Variants in PHACTR2 observed in about 807,000 individuals in gnomAD.
PHACTR2 encodes the protein chromosome 6 open reading frame 56.
In PHACTR2, 30 loss-of-function variants were observed where a neutral mutation model predicts 76.0. That is an observed-to-expected ratio of 0.39 (90% CI 0.30 to 0.54). The LOEUF is 0.54. Ranked by LOEUF, PHACTR2 falls within the 20% of genes least tolerant of loss-of-function variation. The pLI is 0.61. For missense variants in PHACTR2, 696 were observed against 781.1 expected (o/e 0.89, Z 1.30); for synonymous variants, 292 against 292.5 (o/e 1.00, Z 0.02).
chr6:143,790,092 G>A (rs909937125), intron 11 of PHACTR2, among the ~76,000 whole-genome samples: 9 of 152,142 alleles, frequency 5.9e-5, no homozygotes, highest in Admixed American at 3.9e-4. Context: ...GCATTTTGGT[G>A]GCCTGATGGG....
intron 1 of PHACTR2, among the ~76,000 whole-genome samples, chr6:143,545,142 A>G (rs1470892108): frequency 1.3e-5 from 2 of 152,094 alleles, no homozygotes; most frequent in Admixed American, 6.5e-5. Context: ...ATGGGGTTTC[A>G]CTATGTTGGC....
rs371543778 is a variant in PHACTR2, at chr6:143,801,430, A to G, written c.1846-5627A>G. On this transcript the variant is annotated intron_variant, in intron 11 of 12. Coordinates refer to ENST00000440869, the MANE Select transcript of PHACTR2 (RefSeq NM_001100164.2). The surrounding 1 kb of genome is among the most constrained non-coding windows in gnomAD (Gnocchi z 4.6). ...CCTTATTCTCTAATCTTGTCTTCTCACTTTATTTCATTAATTTGATCTTCA... is the reference window on the plus strand; with the variant it reads ...CCTTATTCTCTAATCTTGTCTTCTCGCTTTATTTCATTAATTTGATCTTCA... Among the ~76,000 whole-genome samples the G allele has an allele frequency of 9.2e-5, 14 of 152,144 alleles. No individual in the cohort carries two copies. The South Asian group carries it at 2.9e-3, about 32-fold the overall frequency.
rs1207721094 is a variant in PHACTR2, at chr6:143,819,087, G to A, written c.1923-4587G>A. 6.6e-6 allele frequency among the ~76,000 whole-genome samples: 1 copy of A among 152,092 alleles called. No homozygotes were observed. The highest frequency in any genetic ancestry group is 1.5e-5 in the Non-Finnish European group (1 of 68,014). ...TCTGATTGGACTCCTCAGTCATATA[G>A]AATTATTTATAGAGCTAACAAATAA... On this transcript the variant is annotated intron_variant, in intron 12 of 12. Transcript: ENST00000440869. The surrounding 1 kb of genome is among the most constrained non-coding windows in gnomAD (Gnocchi z 5.0).
intron 4 of PHACTR2, among the ~76,000 whole-genome samples, chr6:143,756,486 G>A (rs1336592715): frequency 1.3e-5 from 2 of 151,352 alleles, no homozygotes; most frequent in Non-Finnish European, 2.9e-5. Flanking sequence ...ACGAGGTCAG[G>A]AGATCGAGAC....
intron 1 of PHACTR2, among the ~76,000 whole-genome samples, chr6:143,560,140 AT>A (rs1343200154): frequency 6.6e-6 from 1 of 152,192 alleles, no homozygotes. Context: ...TTTTTAAAAC[AT>A]TTTTAGTAAT....
chr6:143,759,404 G>A (rs953035470), intron 4 of PHACTR2, among the ~76,000 whole-genome samples: 1 of 151,996 alleles, frequency 6.6e-6, no homozygotes, highest in Non-Finnish European at 1.5e-5. Flanking sequence ...CTGTAATCCC[G>A]GCACTTTGGG....
In PHACTR2 at chr6:143,830,514, C is replaced by T. The variant is rs980144402; in HGVS notation, c.*6825C>T. ...TACACTGATTAACATGACAGTTTCT[C>T]TTTTGTTGTTCTTATCTGTACTGTA... is the stretch of plus-strand genomic sequence containing the variant. On this transcript the variant is annotated 3_prime_UTR_variant, in exon 13 of 13. Coordinates refer to ENST00000440869, the MANE Select transcript of PHACTR2 (RefSeq NM_001100164.2). 1 of 151,930 alleles carries T rather than the reference C, an allele frequency of 6.6e-6. No individual in the cohort carries two copies. Among genetic ancestry groups the T allele is most frequent in the Non-Finnish European group, 1.5e-5 (1 of 67,966 alleles). The allele number at this position is 151,930 out of a possible 1,614,324, so 9.4% of individuals were successfully genotyped here. A position where few individuals can be genotyped will look rare whatever the true frequency, so the allele number is the denominator to read the frequency against.
In PHACTR2 at chr6:143,823,979, G is replaced by A; in HGVS notation, c.*290G>A. 1 of 294,170 alleles carries A rather than the reference G, an allele frequency of 3.4e-6. No individual in the cohort carries two copies. The highest frequency in any genetic ancestry group is 6.3e-6 in the Non-Finnish European group (1 of 159,732). 18.2% of individuals were successfully genotyped at this position (294,170 alleles called of 1,614,324 possible). A position where few individuals can be genotyped will look rare whatever the true frequency, so the allele number is the denominator to read the frequency against. ...AAGCTTTAATCAAAGAAGATGAGCA[G>A]AAGACAATCACTGGCTCCCTGTTAC... On this transcript the variant is annotated 3_prime_UTR_variant, in exon 13 of 13. Transcript: ENST00000440869. The surrounding 1 kb of genome is among the most constrained non-coding windows in gnomAD (Gnocchi z 5.7).
rs2128426578 is a variant in PHACTR2, at chr6:143,543,834, A to G, written c.217+6627A>G. Reference sequence around the variant, plus strand: ...TTAGGCATTTGCAAGTTTGATATGGATATATTCTGAGTATATTCTGACATG... The same window carrying G: ...TTAGGCATTTGCAAGTTTGATATGGGTATATTCTGAGTATATTCTGACATG... On this transcript the variant is annotated intron_variant, in intron 1 of 11. Coordinates refer to the PHACTR2 transcript ENST00000367584. The surrounding 1 kb of genome is among the most constrained non-coding windows in gnomAD (Gnocchi z 4.7). 6.6e-6 allele frequency among the ~76,000 whole-genome samples: 1 copy of G among 152,270 alleles called. No homozygotes were observed. The highest frequency in any genetic ancestry group is 2.1e-4 in the South Asian group (1 of 4,826).
chr6:143,667,502 C>G (rs546219780), intron 1 of PHACTR2, among the ~76,000 whole-genome samples: 1 of 151,684 alleles, frequency 6.6e-6, no homozygotes, highest in Admixed American at 6.6e-5. Context: ...TCTTCCTATC[C>G]GTGAGCATGG....
rs919910543 is a variant in PHACTR2 at position 143,753,059 on chromosome 6, G to GT, written c.296-685dup. On this transcript the variant is annotated intron_variant, in intron 3 of 12. Coordinates refer to ENST00000440869, the MANE Select transcript of PHACTR2 (RefSeq NM_001100164.2). The surrounding 1 kb of genome is among the most constrained non-coding windows in gnomAD (Gnocchi z 4.6). The stretch of plus-strand genomic sequence containing the variant: ...CCTTTGTGATTACTTTTTTATGTGT[G>GT]TTTTTTTTTTCTCGAATGTTTTCAA... Among the ~76,000 whole-genome samples, 22 of 146,760 alleles carry GT rather than the reference G, an allele frequency of 1.5e-4. No individual in the cohort carries two copies. The highest frequency in any genetic ancestry group is 2.2e-4 in the South Asian group (1 of 4,624).
rs923756857 is a variant in PHACTR2, at chr6:143,700,088, G to A, written c.47-11928G>A. 6.6e-6 allele frequency among the ~76,000 whole-genome samples: 1 copy of A among 152,130 alleles called. No individual in the cohort carries two copies. The highest frequency in any genetic ancestry group is 2.4e-5 in the African/African-American group (1 of 41,420). ...GGAGGCTCTTGGACATAGAGAGAAC[G>A]TTAGTCACATTATATATATTCTCTG... On this transcript the variant is annotated intron_variant, in intron 1 of 12. Coordinates refer to ENST00000440869, the MANE Select transcript of PHACTR2 (RefSeq NM_001100164.2). This position sits in a 1 kb window ranked among gnomAD's most constrained non-coding sequence, Gnocchi z 4.1.
At chr6:143,551,476 A>G (rs1389113267) in intron 1 of PHACTR2, among the ~76,000 whole-genome samples, 1 of 152,188 alleles carries the variant, frequency 6.6e-6, no homozygotes, top group Non-Finnish European at 1.5e-5. Context: ...AGCATTTTTA[A>G]TTCTTCATTT....
At chr6:143,732,836 G>T (rs576070978) in intron 2 of PHACTR2, among the ~76,000 whole-genome samples, 2 of 152,102 alleles carry the variant, frequency 1.3e-5, no homozygotes, top group East Asian at 3.9e-4. Context: ...CTATCCTGGT[G>T]GGTATAAAGT....
intron 1 of PHACTR2, among the ~76,000 whole-genome samples, chr6:143,552,685 C>A (rs1024966788): frequency 3.3e-5 from 5 of 152,058 alleles, no homozygotes; most frequent in African/African-American, 1.2e-4. Flanking sequence ...AGGTGGATCA[C>A]TTGAGGTCAG....
rs575354396 is a variant in PHACTR2 at position 143,589,968 on chromosome 6, GT to G, written c.217+52762del. 4.2e-4 allele frequency among the ~76,000 whole-genome samples: 64 copies of G among 152,272 alleles called. No homozygotes were observed. In the East Asian group the frequency reaches 0.012, roughly 29 times the overall value. ...ACAAAACGTAACCTAACCCAGCAAT[GT>G]GTCTAAAAATATAATGATCATGCCC... On this transcript the variant is annotated intron_variant, in intron 1 of 11. Transcript: ENST00000367584. This position sits in a 1 kb window ranked among gnomAD's most constrained non-coding sequence, Gnocchi z 4.4.
At chr6:143,590,060 T>C (rs1272016894) in intron 1 of PHACTR2, among the ~76,000 whole-genome samples, 1 of 152,242 alleles carries the variant, frequency 6.6e-6, no homozygotes, top group East Asian at 1.9e-4. Context: ...AAACTCATGG[T>C]AGCAGAGTTT....
rs1775536733 is a variant in PHACTR2 at position 143,578,459 on chromosome 6, T to A, written c.217+41252T>A. ...TAGCCATGGAAGGATGTGTAGGTTG[T>A]TCACTGCTCAAGAGCATTGACTGTG... is the stretch of plus-strand genomic sequence containing the variant. On this transcript the variant is annotated intron_variant, in intron 1 of 11. Transcript: ENST00000367584. The surrounding 1 kb of genome is among the most constrained non-coding windows in gnomAD (Gnocchi z 4.5). Among the ~76,000 whole-genome samples, 1 of 152,178 alleles carries A rather than the reference T, an allele frequency of 6.6e-6. No homozygotes were observed. Among genetic ancestry groups the A allele is most frequent in the African/African-American group, 2.4e-5 (1 of 41,446 alleles).
Position 143,783,819 on chromosome 6 carries a change from G to A in PHACTR2, c.1707+539G>A, listed in dbSNP as rs886778722. On this transcript the variant is annotated intron_variant, in intron 10 of 12. Coordinates refer to ENST00000440869, the MANE Select transcript of PHACTR2 (RefSeq NM_001100164.2). The surrounding 1 kb of genome is among the most constrained non-coding windows in gnomAD (Gnocchi z 5.2). ...AATAAAATCATGTCTTTCATTCAGAGACAGCCATTATTAACATTTCAATGC... is the reference window on the plus strand; with the variant it reads ...AATAAAATCATGTCTTTCATTCAGAAACAGCCATTATTAACATTTCAATGC... 6.6e-6 allele frequency among the ~76,000 whole-genome samples: 1 copy of A among 152,046 alleles called. No individual in the cohort carries two copies. Among genetic ancestry groups the A allele is most frequent in the Non-Finnish European group, 1.5e-5 (1 of 68,032 alleles).
Sources: gnomAD v4.1 joint callset for allele counts (sites outside exome capture counted in the v4.1 genomes callset) on GRCh38, gnomAD v4.1.1 for gene constraint, Gnocchi (gnomAD v3.1) non-coding constraint, MANE v1.5 for transcripts, NCBI Gene and HGNC (gene_info 2026-07-23, HGNC 2026-07-21) for gene names.